RAB11FIP4: variants seen among roughly 807,000 people sequenced by gnomAD.
RAB11FIP4 encodes the protein rab11 family-interacting protein 4.
RAB11FIP4 carries 23 observed loss-of-function variants against 74.3 expected under a neutral mutation model. The ratio of observed to expected loss-of-function variants is 0.31; its 90% CI spans 0.22 to 0.44. The LOEUF is 0.44. RAB11FIP4 is among the 20% of genes least tolerant of loss of function. The pLI is 1.00. For missense variants in RAB11FIP4, 630 were observed against 863.9 expected (o/e 0.73, Z 3.39); for synonymous variants, 360 against 359.9 (o/e 1.00, Z 0.00).
Position 31,401,484 on chromosome 17 carries a change from C to T in RAB11FIP4, c.159+9473C>T, listed in dbSNP as rs149398370. 8.6e-4 allele frequency among the ~76,000 whole-genome samples: 131 copies of T among 152,330 alleles called. 1 individual carries two copies. Among genetic ancestry groups the T allele is most frequent in the African/African-American group, 3.0e-3 (123 of 41,588 alleles). Reference sequence around the variant, plus strand: ...ATAGGTTTCTATAACAACCCATGACCCAAGACGGGGAGCAGGCTCCATACA... The same window carrying T: ...ATAGGTTTCTATAACAACCCATGACTCAAGACGGGGAGCAGGCTCCATACA... On this transcript the variant is annotated intron_variant, in intron 1 of 14. Coordinates refer to ENST00000621161, the MANE Select transcript of RAB11FIP4 (RefSeq NM_032932.6).
chr17:31,517,778 C>A lies in RAB11FIP4; in HGVS notation c.464C>A (p.Thr155Lys). The A allele has an allele frequency of 6.4e-7, 1 of 1,562,394 alleles. No individual in the cohort carries two copies. Among genetic ancestry groups the A allele is most frequent in the Non-Finnish European group, 8.7e-7 (1 of 1,152,654 alleles). The change falls in exon 4 of 15, where the codon ACA (threonine) becomes AAA (lysine). Residue 155 changes from threonine to lysine, a missense_variant. By Grantham distance (78) the Thr-to-Lys change is moderately conservative. Transcript: ENST00000621161. ...APPEGPQELY[T>K]DSPMESTQSL... ...CCTGAGGGCCCCCAGGAGTTGTACACAGACAGCCCCATGGAGAGCACTCAG... is the reference window on the plus strand; with the variant it reads ...CCTGAGGGCCCCCAGGAGTTGTACAAAGACAGCCCCATGGAGAGCACTCAG...
chr17:31,504,416 C>G (rs2072279275), intron 3 of RAB11FIP4, among the ~76,000 whole-genome samples: 1 of 152,090 alleles, frequency 6.6e-6, no homozygotes, highest in African/African-American at 2.4e-5. Flanking sequence ...CAGGTGCCCG[C>G]CACCACGCCC....
At chr17:31,426,791 G>A (rs1228558762) in intron 1 of RAB11FIP4, among the ~76,000 whole-genome samples, 5 of 151,602 alleles carry the variant, frequency 3.3e-5, no homozygotes, top group African/African-American at 9.7e-5. Context: ...TAGTAGAGAC[G>A]GGGTTTCACC....
intron 3 of RAB11FIP4, among the ~76,000 whole-genome samples, chr17:31,507,258 G>A (rs754356755): frequency 3.3e-4 from 50 of 152,250 alleles, no homozygotes; most frequent in African/African-American, 1.0e-3. Context: ...CAGCCTGGGC[G>A]ACAGGGTGAG....
chr17:31,447,154 G>T (rs1473329054), intron 3 of RAB11FIP4, among the ~76,000 whole-genome samples: 6 of 152,196 alleles, frequency 3.9e-5, no homozygotes, highest in African/African-American at 1.2e-4. Context: ...CGTGGTGGTG[G>T]GCGCCTGTAG....
intron 1 of RAB11FIP4, among the ~76,000 whole-genome samples, chr17:31,414,473 C>T (rs1303992329): frequency 6.6e-6 from 1 of 152,206 alleles, no homozygotes; most frequent in East Asian, 1.9e-4. Flanking sequence ...CTGTCACTTT[C>T]GCTCCTATTC....
In RAB11FIP4 at chr17:31,391,717, C is replaced by A; in HGVS notation, c.-136C>A. On this transcript the variant is annotated 5_prime_UTR_variant, in exon 1 of 15. Coordinates refer to ENST00000621161, the MANE Select transcript of RAB11FIP4 (RefSeq NM_032932.6). ...GGCGCCGCTGCTGACACGGATCGGC[C>A]GCGGCCGCCACCGGGCGGAGGCTGC... The A allele has an allele frequency of 1.7e-6, 1 of 605,286 alleles. No individual in the cohort carries two copies. Among genetic ancestry groups the A allele is most frequent in the Non-Finnish European group, 2.1e-6 (1 of 483,858 alleles). 37.5% of individuals were successfully genotyped at this position (605,286 alleles called of 1,614,324 possible). A position where few individuals can be genotyped will look rare whatever the true frequency, so the allele number is the denominator to read the frequency against.
intron 1 of RAB11FIP4, among the ~76,000 whole-genome samples, chr17:31,430,245 A>G (rs2071294889): frequency 6.6e-6 from 1 of 152,134 alleles, no homozygotes; most frequent in Admixed American, 6.5e-5. Context: ...GGAGCTGACC[A>G]AAGGCCAGTG....
intron 3 of RAB11FIP4, among the ~76,000 whole-genome samples, chr17:31,477,910 G>A (rs575396649): frequency 2.0e-5 from 3 of 152,160 alleles, no homozygotes; most frequent in Admixed American, 6.5e-5. Context: ...TAGGGTTGTC[G>A]GGAGGATTAA....
chr17:31,497,758 C>T (rs917278515), intron 3 of RAB11FIP4, among the ~76,000 whole-genome samples: 3 of 152,118 alleles, frequency 2.0e-5, no homozygotes, highest in African/African-American at 7.2e-5. Context: ...CAGTGGCCCC[C>T]AAGCAGGGGC....
chr17:31,525,009 GC>G (rs1443905702), intron 9 of RAB11FIP4, 80 bp from the exon 10 acceptor site: 30 of 1,531,808 alleles, frequency 2.0e-5, no homozygotes, highest in Non-Finnish European at 2.4e-5. Flanking sequence ...GGGTCTCGGG[GC>G]CCAGGGTCCC....
chr17:31,434,084 C>G lies in RAB11FIP4; in HGVS notation c.298C>G (p.Leu100Val). 6.3e-7 allele frequency: 1 copy of G among 1,586,502 alleles called. No individual in the cohort carries two copies. Among genetic ancestry groups the G allele is most frequent in the Non-Finnish European group, 8.5e-7 (1 of 1,174,220 alleles). ...GCTGTCGGTGGAGAGCGCGGGGACG[C>G]TGCCGTGCGCGCCAGAGATCCCAGA... The part of the protein sequence containing the change: ...DVLSVESAGT[L>V]PCAPEIPDCV... Residue 100 changes from leucine (L) to valine (V), a missense_variant, in exon 3 of 15, where the codon CTG becomes GTG. Coordinates refer to ENST00000621161, the MANE Select transcript of RAB11FIP4 (RefSeq NM_032932.6).
intron 1 of RAB11FIP4, among the ~76,000 whole-genome samples, chr17:31,421,183 C>T (rs1233016024): frequency 6.6e-6 from 1 of 152,116 alleles, no homozygotes; most frequent in African/African-American, 2.4e-5. Context: ...TTTCAGATGC[C>T]TTTCTGTTTT....
Position 31,462,133 on chromosome 17 carries a change from G to A in RAB11FIP4, c.336+28011G>A, listed in dbSNP as rs148562348. ...CAAAAATTAGCTGGATGTGGTGGCAGGTGCCTGCTGTAGTCCCAGCTACTC... is the reference window on the plus strand; with the variant it reads ...CAAAAATTAGCTGGATGTGGTGGCAAGTGCCTGCTGTAGTCCCAGCTACTC... On this transcript the variant is annotated intron_variant, in intron 3 of 14. Transcript: ENST00000621161. 1.9e-3 allele frequency among the ~76,000 whole-genome samples: 289 copies of A among 152,206 alleles called. 2 individuals are homozygous for A. The highest frequency in any genetic ancestry group is 6.5e-3 in the African/African-American group (269 of 41,538).
At chr17:31,416,881 G>T (rs867337305) in intron 1 of RAB11FIP4, among the ~76,000 whole-genome samples, 5 of 152,132 alleles carry the variant, frequency 3.3e-5, no homozygotes, top group African/African-American at 1.2e-4. Flanking sequence ...CAGCTCTGCC[G>T]CTGTCAGCAC....
rs569052907 is a variant in RAB11FIP4, at chr17:31,424,478, G to A, written c.160-7335G>A. 2.6e-5 allele frequency among the ~76,000 whole-genome samples: 4 copies of A among 151,954 alleles called. No homozygotes were observed. The South Asian group carries it at 8.3e-4, about 32-fold the overall frequency. ...TCTTTTGAGATGGAGTCACAATCTTGGCTCATTGCAACCTCCCGCCTCCTG... is the reference window on the plus strand; with the variant it reads ...TCTTTTGAGATGGAGTCACAATCTTAGCTCATTGCAACCTCCCGCCTCCTG... On this transcript the variant is annotated intron_variant, in intron 1 of 14. Coordinates refer to ENST00000621161, the MANE Select transcript of RAB11FIP4 (RefSeq NM_032932.6).
At chr17:31,527,157 C>T (rs2072780446) in intron 10 of RAB11FIP4, 1 of 152,222 alleles carries the variant, frequency 6.6e-6, no homozygotes, top group South Asian at 2.1e-4. Context: ...CTTCAAGTTA[C>T]AGAGTCTAAC....
chr17:31,415,869 G>A (rs1453220026), intron 1 of RAB11FIP4, among the ~76,000 whole-genome samples: 2 of 152,070 alleles, frequency 1.3e-5, no homozygotes, highest in African/African-American at 4.8e-5. Context: ...GTCCCTTCCC[G>A]GGGGAAGGCT....
intron 1 of RAB11FIP4, among the ~76,000 whole-genome samples, chr17:31,413,027 G>A (rs542203700): frequency 6.6e-6 from 1 of 152,328 alleles, no homozygotes; most frequent in African/African-American, 2.4e-5. Context: ...TTTCTGCCTG[G>A]AGCCACTGTA....
Sources: gnomAD v4.1 joint callset for allele counts (sites outside exome capture counted in the v4.1 genomes callset) on GRCh38, gnomAD v4.1.1 for gene constraint, MANE v1.5 for transcripts, NCBI Gene and HGNC (gene_info 2026-07-23, HGNC 2026-07-21) for gene names.